The following EFCC1 variants were observed in gnomAD, a reference collection of about 807,000 sequenced individuals.
EFCC1 encodes EF-hand and coiled-coil domain-containing protein 1.
EFCC1 carries 50 observed loss-of-function variants against 52.1 expected under a neutral mutation model. That is an observed-to-expected ratio of 0.96 (90% CI 0.76 to 1.21). EFCC1 has a LOEUF of 1.21. Among genes scored for constraint, EFCC1 ranks in the 50% most tolerant of loss-of-function variants. The probability of loss-of-function intolerance (pLI) is 0.00; values close to 1 mark genes in which losing one functional copy is unlikely to be tolerated. For synonymous variants in EFCC1, 399 were observed against 396.5 expected (o/e 1.01, Z -0.08); for missense variants, 837 against 867.3 (o/e 0.97, Z 0.44).
chr3:129,035,698 C>G, intron 5 of EFCC1, among the ~76,000 whole-genome samples: 1 of 152,178 alleles, frequency 6.6e-6, no homozygotes, highest in East Asian at 1.9e-4. Flanking sequence ...AACCCTTGCA[C>G]CGGGATAGGG....
chr3:129,008,521 C>G (rs1352938291), intron 2 of EFCC1, among the ~76,000 whole-genome samples: 1 of 152,210 alleles, frequency 6.6e-6, no homozygotes, highest in East Asian at 1.9e-4. Flanking sequence ...ACAGGATGGA[C>G]AATAAATATG....
chr3:129,039,774 C>T lies in EFCC1; in HGVS notation c.1726C>T (p.Leu576=), dbSNP rs1454748940. The part of the protein sequence containing the change: ...ALHQALAACQ[L]LRRQPSAPAS... Reference sequence around the variant, plus strand: ...GCACCAAGCCTTGGCTGCCTGCCAGCTGTTGCGGAGACAGCCCTCGGCACC... The same window carrying T: ...GCACCAAGCCTTGGCTGCCTGCCAGTTGTTGCGGAGACAGCCCTCGGCACC... The change falls in exon 8 of 8, where the codon CTG becomes TTG. Residue 576 remains leucine, a synonymous_variant. Coordinates refer to ENST00000683648, the MANE Select transcript of EFCC1 (RefSeq NM_001377500.1). The T allele has an allele frequency of 2.5e-6, 4 of 1,612,372 alleles. No homozygotes were observed. Among genetic ancestry groups the T allele is most frequent in the Non-Finnish European group, 3.4e-6 (4 of 1,179,000 alleles).
chr3:129,003,895 G>C lies in EFCC1; in HGVS notation c.798G>C (p.Ala266=). ...GTCAGGCGCAGGGCGCCCTGGCTGC[G>C]GCGGAGGCCCGCGCTGGGCGGCTGC... ...ELRQAQGALA[A]AEARAGRLRR... The change falls in exon 2 of 8, where the codon GCG becomes GCC. Residue 266 remains alanine, a synonymous_variant. Transcript: ENST00000683648. 1 of 1,377,354 alleles carries C rather than the reference G, an allele frequency of 7.3e-7. No individual in the cohort carries two copies. The highest frequency in any genetic ancestry group is 9.4e-7 in the Non-Finnish European group (1 of 1,068,632). The allele number at this position is 1,377,354 out of a possible 1,614,324, so 85.3% of individuals were successfully genotyped here.
In EFCC1 at chr3:129,016,513, C is replaced by A. The variant is rs111777235; in HGVS notation, c.980+12436C>A. On this transcript the variant is annotated intron_variant, in intron 2 of 7. Transcript: ENST00000683648. ...TCATGGGCACGCCCGTGTCTAGAGC[C>A]TCTGGGGAAGCCCATAAGCCGTGCC... Among the ~76,000 whole-genome samples the A allele has an allele frequency of 1.1e-3, 159 of 150,858 alleles. 1 individual carries two copies. Among genetic ancestry groups the A allele is most frequent in the African/African-American group, 3.8e-3 (157 of 41,332 alleles).
rs918101645 is a variant in EFCC1 at position 129,040,139 on chromosome 3, T to G, written c.*291T>G. Reference sequence around the variant, plus strand: ...GGATCAGCCTGCACCTGATGCTGTATCTTTCCCCTGCCCTCAGGGCAGAGA... The same window carrying G: ...GGATCAGCCTGCACCTGATGCTGTAGCTTTCCCCTGCCCTCAGGGCAGAGA... On this transcript the variant is annotated 3_prime_UTR_variant, in exon 8 of 8. Coordinates refer to ENST00000683648, the MANE Select transcript of EFCC1 (RefSeq NM_001377500.1). This position sits in a 1 kb window ranked among gnomAD's most constrained non-coding sequence, Gnocchi z 4.4. The G allele has an allele frequency of 2.7e-6, 1 of 371,068 alleles. No individual in the cohort carries two copies. The highest frequency in any genetic ancestry group is 4.8e-6 in the Non-Finnish European group (1 of 207,750). 23.0% of individuals were successfully genotyped at this position (371,068 alleles called of 1,614,324 possible). A position where few individuals can be genotyped will look rare whatever the true frequency, so the allele number is the denominator to read the frequency against.
intron 2 of EFCC1, among the ~76,000 whole-genome samples, chr3:129,008,172 G>C (rs1476499637): frequency 1.3e-5 from 2 of 152,226 alleles, no homozygotes; most frequent in African/African-American, 4.8e-5. Flanking sequence ...CAGGTAGTGA[G>C]AGATTGAGTC....
rs527878707 is a variant in EFCC1, at chr3:129,033,745, C to T, written c.1287-419C>T. 1.0e-3 allele frequency among the ~76,000 whole-genome samples: 157 copies of T among 152,248 alleles called. 1 individual carries two copies. Among genetic ancestry groups the T allele is most frequent in the South Asian group, 5.2e-3 (25 of 4,826 alleles). On this transcript the variant is annotated intron_variant, in intron 4 of 7. Transcript: ENST00000683648. The stretch of plus-strand genomic sequence containing the variant: ...TGGATCCTCTAGTGAGTGTGACAGG[C>T]CTGAGGAAGAGGGGTCACACAGGGA...
Position 129,003,937 on chromosome 3 carries a change from G to A in EFCC1, c.840G>A (p.Glu280=). 7.2e-7 allele frequency: 1 copy of A among 1,393,068 alleles called. No individual in the cohort carries two copies. The highest frequency in any genetic ancestry group is 3.1e-5 in the Admixed American group (1 of 32,126). The allele number at this position is 1,393,068 out of a possible 1,614,324, so 86.3% of individuals were successfully genotyped here. ...GGCGGCTGCGCCGTGGCCAGGCCGAGGTGCGGCGGCGCGCGGAGGAGGCCC... is the reference window on the plus strand; with the variant it reads ...GGCGGCTGCGCCGTGGCCAGGCCGAAGTGCGGCGGCGCGCGGAGGAGGCCC... ...RAGRLRRGQA[E]VRRRAEEARQ... is the part of the protein sequence containing the mutation. The change falls in exon 2 of 8, where the codon GAG becomes GAA. Residue 280 remains glutamate (E), a synonymous_variant. Transcript: ENST00000683648.
chr3:129,040,145 C>T lies in EFCC1; in HGVS notation c.*297C>T, dbSNP rs548577659. ...GCCTGCACCTGATGCTGTATCTTTC[C>T]CCTGCCCTCAGGGCAGAGATGCCCA... is the stretch of plus-strand genomic sequence containing the variant. On this transcript the variant is annotated 3_prime_UTR_variant, in exon 8 of 8. Transcript: ENST00000683648. The surrounding 1 kb of genome is among the most constrained non-coding windows in gnomAD (Gnocchi z 4.4). 8.8e-4 allele frequency: 317 copies of T among 359,798 alleles called. 1 individual carries two copies. The highest frequency in any genetic ancestry group is 4.9e-3 in the South Asian group (46 of 9,310). 22.3% of individuals were successfully genotyped at this position (359,798 alleles called of 1,614,324 possible). A position where few individuals can be genotyped will look rare whatever the true frequency, so the allele number is the denominator to read the frequency against.
chr3:129,025,693 G>T (rs1946074426), intron 2 of EFCC1, among the ~76,000 whole-genome samples: 1 of 152,212 alleles, frequency 6.6e-6, no homozygotes, highest in Non-Finnish European at 1.5e-5. Context: ...ATCCAGCAGA[G>T]AGAGGGGCAA....
Position 129,001,751 on chromosome 3 carries a change from C to G in EFCC1, c.123C>G (p.Asp41Glu). 3.2e-6 allele frequency: 5 copies of G among 1,541,300 alleles called. No individual in the cohort carries two copies. The highest frequency in any genetic ancestry group is 4.4e-6 in the Non-Finnish European group (5 of 1,145,096). Residue 41 changes from aspartate (D) to glutamate (E), a missense_variant, in exon 1 of 8, where the codon GAC becomes GAG. Coordinates refer to ENST00000683648, the MANE Select transcript of EFCC1 (RefSeq NM_001377500.1). Reference protein sequence around the residue: ...LSALAHHYGLDRGVENEIVVL... With the variant: ...LSALAHHYGLERGVENEIVVL... ...CCCTGGCGCACCACTACGGGCTGGA[C>G]CGCGGCGTGGAGAACGAGATCGTGG...
At position 129,014,104 on chromosome 3, in the gene EFCC1, C is replaced by A. The variant is rs1021787250; in HGVS notation, c.980+10027C>A. On this transcript the variant is annotated intron_variant, in intron 2 of 7. Transcript: ENST00000683648. The surrounding 1 kb of genome is among the most constrained non-coding windows in gnomAD (Gnocchi z 4.3). The stretch of plus-strand genomic sequence containing the variant: ...CTTCATGATTTTCTGTCAGAAATAA[C>A]CATTGGCTTTTCTTCATTCAACCAA... 6.6e-6 allele frequency among the ~76,000 whole-genome samples: 1 copy of A among 152,228 alleles called. No homozygotes were observed. The highest frequency in any genetic ancestry group is 2.1e-4 in the South Asian group (1 of 4,830).
At chr3:129,027,434 G>A (rs954679255) in intron 2 of EFCC1, among the ~76,000 whole-genome samples, 20 of 152,142 alleles carry the variant, frequency 1.3e-4, no homozygotes, top group African/African-American at 4.1e-4. Context: ...GGGAGCCCGC[G>A]CCCCTCACCT....
At chr3:129,026,870 C>T (rs1362156259) in intron 2 of EFCC1, among the ~76,000 whole-genome samples, 1 of 152,156 alleles carries the variant, frequency 6.6e-6, no homozygotes, top group African/African-American at 2.4e-5. Context: ...TGCCCATTCT[C>T]GGCTTGCACT....
At chr3:129,029,622 G>A (rs990199289) in intron 2 of EFCC1, among the ~76,000 whole-genome samples, 8 of 151,336 alleles carry the variant, frequency 5.3e-5, no homozygotes, top group Admixed American at 3.3e-4. Context: ...CTGTTGCCCA[G>A]GCTGGAGTGC....
At chr3:129,039,579 C>A in intron 7 of EFCC1, 133 bp from the exon 8 acceptor site, 1 of 1,382,052 alleles carries the variant, frequency 7.2e-7, no homozygotes, top group Non-Finnish European at 9.7e-7. Context: ...GTCCACAGAG[C>A]GAGGAAGCTG....
Position 129,003,732 on chromosome 3 carries a change from C to T in EFCC1, c.697-62C>T, listed in dbSNP as rs955312138. ...GGCATGGGGCCGCCGTCGTGGCGGG[C>T]GTTCGTCTGGTGCATCTGGCTGGGG... On this transcript the variant is annotated intron_variant, in intron 1 of 7. Coordinates refer to ENST00000683648, the MANE Select transcript of EFCC1 (RefSeq NM_001377500.1). The T allele has an allele frequency of 2.3e-5, 30 of 1,280,564 alleles. No individual in the cohort carries two copies. The South Asian group carries it at 4.5e-4, about 19-fold the overall frequency. The allele number at this position is 1,280,564 out of a possible 1,614,324, so 79.3% of individuals were successfully genotyped here.
intron 2 of EFCC1, 109 bp downstream of exon 2, chr3:129,004,186 T>C: frequency 7.9e-7 from 1 of 1,258,398 alleles, no homozygotes; most frequent in African/African-American, 1.6e-5. Context: ...CCGCAGTTTC[T>C]CCATGCGTTT....
intron 2 of EFCC1, among the ~76,000 whole-genome samples, chr3:129,029,585 GT>G (rs71843371): frequency 6.7e-6 from 1 of 148,168 alleles, no homozygotes. Flanking sequence ...TTGTTTTTTG[GT>G]TTTTTTTTTG....
Sources: gnomAD v4.1 joint callset for allele counts (sites outside exome capture counted in the v4.1 genomes callset) on GRCh38, gnomAD v4.1.1 for gene constraint, Gnocchi (gnomAD v3.1) non-coding constraint, MANE v1.5 for transcripts, NCBI Gene and HGNC (gene_info 2026-07-23, HGNC 2026-07-21) for gene names.